COLEC12: variants seen among roughly 807,000 people sequenced by gnomAD.
COLEC12 encodes collectin-12.
A neutral mutation model predicts 71.1 loss-of-function variants in COLEC12; 33 were observed. That is an observed-to-expected ratio of 0.46 (90% CI 0.35 to 0.62). The LOEUF (loss-of-function observed/expected upper bound fraction) is 0.62, where lower values mean the gene tolerates loss of function less well. Ranked by LOEUF, COLEC12 falls within the 20% of genes least tolerant of loss-of-function variation. The probability of loss-of-function intolerance (pLI) is 0.00; values close to 1 mark genes in which losing one functional copy is unlikely to be tolerated. For synonymous variants in COLEC12, 350 were observed against 353.0 expected (o/e 0.99, Z 0.10); for missense variants, 765 against 916.1 (o/e 0.84, Z 2.13).
chr18:422,873 A>G (rs1289762760), intron 2 of COLEC12, among the ~76,000 whole-genome samples: 2 of 152,148 alleles, frequency 1.3e-5, no homozygotes, highest in Non-Finnish European at 2.9e-5. Flanking sequence ...TTTTTTGTTT[A>G]TATAAACTTC....
At chr18:394,092 G>A (rs1376414363) in intron 2 of COLEC12, among the ~76,000 whole-genome samples, 1 of 152,162 alleles carries the variant, frequency 6.6e-6, no homozygotes, top group Non-Finnish European at 1.5e-5. Context: ...TTCCTACAAT[G>A]TTTCCCTTAT....
chr18:476,767 G>A (rs1488199901), intron 2 of COLEC12, among the ~76,000 whole-genome samples: 1 of 152,216 alleles, frequency 6.6e-6, no homozygotes, highest in African/African-American at 2.4e-5. Context: ...TTTCGTGGTA[G>A]TACATATCAT....
intron 1 of COLEC12, among the ~76,000 whole-genome samples, chr18:498,596 A>C (rs1053050866): frequency 1.3e-5 from 2 of 152,040 alleles, no homozygotes; most frequent in Non-Finnish European, 2.9e-5. Flanking sequence ...CCTGACTTCG[A>C]GTGATCTTGC....
chr18:500,531 C>T lies in COLEC12; in HGVS notation c.-17G>A. 3.3e-6 allele frequency: 4 copies of T among 1,226,420 alleles called. No homozygotes were observed. In the South Asian group the frequency reaches 1.5e-4, roughly 47 times the overall value. The allele number at this position is 1,226,420 out of a possible 1,614,324, so 76.0% of individuals were successfully genotyped here. A position where few individuals can be genotyped will look rare whatever the true frequency, so the allele number is the denominator to read the frequency against. On this transcript the variant is annotated 5_prime_UTR_variant, in exon 1 of 10. Transcript: ENST00000400256. The surrounding 1 kb of genome is among the most constrained non-coding windows in gnomAD (Gnocchi z 5.3). Reference sequence around the variant, plus strand: ...ACCTTTCATGGTGACCGTGGGGACGCACCGCCGGCCGGGGAGCTCCGCGCG... The same window carrying T: ...ACCTTTCATGGTGACCGTGGGGACGTACCGCCGGCCGGGGAGCTCCGCGCG...
At chr18:357,358 GA>G (rs1347634617) in intron 3 of COLEC12, 41 bp downstream of exon 3, 1 of 1,560,222 alleles carries the variant, frequency 6.4e-7, no homozygotes, top group East Asian at 2.3e-5. Flanking sequence ...ATTAATGAAG[GA>G]ACACTTGTTA....
At chr18:481,639 G>A (rs984703967) in intron 1 of COLEC12, among the ~76,000 whole-genome samples, 2 of 152,126 alleles carry the variant, frequency 1.3e-5, no homozygotes, top group Non-Finnish European at 2.9e-5. Context: ...GGGAGGCTGA[G>A]GTTGCAGTGA....
chr18:484,250 T>C (rs545226699), intron 1 of COLEC12, among the ~76,000 whole-genome samples: 1 of 152,310 alleles, frequency 6.6e-6, no homozygotes, highest in South Asian at 2.1e-4. Context: ...ATTTCACATA[T>C]TTTTGTTATT....
In COLEC12 at chr18:446,504, C is replaced by T. The variant is rs1916653839; in HGVS notation, c.58+34203G>A. ...ATTACTTGAGCCCAGAAGTTCAAGA[C>T]CAGCCTGGGCAACATAGCAAGACCC... On this transcript the variant is annotated intron_variant, in intron 2 of 9. Transcript: ENST00000400256. Among the ~76,000 whole-genome samples, 3 of 148,500 alleles carry T rather than the reference C, an allele frequency of 2.0e-5. No individual in the cohort carries two copies. The South Asian group carries it at 6.4e-4, about 32-fold the overall frequency.
intron 2 of COLEC12, among the ~76,000 whole-genome samples, chr18:479,326 C>T (rs1449302386): frequency 1.3e-5 from 2 of 152,120 alleles, no homozygotes; most frequent in Admixed American, 6.5e-5. Flanking sequence ...AGGGAACCAA[C>T]GCAGGAGAGA....
In COLEC12 at chr18:473,553, G is replaced by A. The variant is rs539006308; in HGVS notation, c.58+7154C>T. 2.0e-5 allele frequency among the ~76,000 whole-genome samples: 3 copies of A among 151,862 alleles called. No homozygotes were observed. In the East Asian group the frequency reaches 5.8e-4, roughly 29 times the overall value. Reference sequence around the variant, plus strand: ...TAATTTTGTATTTTTAGTAGAGACAGGGTTTCTCCACATTGGTCAGGCTAA... The same window carrying A: ...TAATTTTGTATTTTTAGTAGAGACAAGGTTTCTCCACATTGGTCAGGCTAA... On this transcript the variant is annotated intron_variant, in intron 2 of 9. Coordinates refer to ENST00000400256, the MANE Select transcript of COLEC12 (RefSeq NM_130386.3).
At chr18:342,452 G>A (rs1458376446) in intron 5 of COLEC12, among the ~76,000 whole-genome samples, 5 of 152,216 alleles carry the variant, frequency 3.3e-5, no homozygotes, top group Non-Finnish European at 7.3e-5. Flanking sequence ...GAGCACTGGG[G>A]TTCATCAAGT....
intron 2 of COLEC12, among the ~76,000 whole-genome samples, chr18:458,574 C>T (rs1916916136): frequency 6.6e-6 from 1 of 152,232 alleles, no homozygotes; most frequent in Non-Finnish European, 1.5e-5. Context: ...TTCTGTGAAT[C>T]GGTGGCAGCT....
chr18:464,169 A>T (rs1917041251), intron 2 of COLEC12, among the ~76,000 whole-genome samples: 1 of 152,086 alleles, frequency 6.6e-6, no homozygotes, highest in African/African-American at 2.4e-5. Context: ...ACCTCCACGG[A>T]TACACTAACT....
chr18:479,369 G>C (rs1312225158), intron 2 of COLEC12, among the ~76,000 whole-genome samples: 1 of 152,180 alleles, frequency 6.6e-6, no homozygotes, highest in East Asian at 1.9e-4. Context: ...CTATTTTAAA[G>C]TCATATGTTT....
At chr18:495,484 C>T (rs1444641517) in intron 1 of COLEC12, among the ~76,000 whole-genome samples, 1 of 152,130 alleles carries the variant, frequency 6.6e-6, no homozygotes, top group Non-Finnish European at 1.5e-5. Context: ...GTGGGCCATC[C>T]ACATTCATTC....
At chr18:482,405 T>A (rs1045885644) in intron 1 of COLEC12, among the ~76,000 whole-genome samples, 1 of 151,674 alleles carries the variant, frequency 6.6e-6, no homozygotes, top group Non-Finnish European at 1.5e-5. Context: ...TGAGCCACCG[T>A]GCCCGGCCAA....
intron 2 of COLEC12, among the ~76,000 whole-genome samples, chr18:358,414 G>A (rs1010508616): frequency 3.3e-5 from 5 of 152,188 alleles, no homozygotes; most frequent in Non-Finnish European, 7.3e-5. Flanking sequence ...CCCTGAGCTT[G>A]TTTTCCTGGA....
At chr18:417,991 G>A (rs911058241) in intron 2 of COLEC12, among the ~76,000 whole-genome samples, 1 of 152,160 alleles carries the variant, frequency 6.6e-6, no homozygotes, top group African/African-American at 2.4e-5. Flanking sequence ...TAAGCCATGT[G>A]TGGGCTGCTC....
chr18:375,427 G>A (rs1915092410), intron 2 of COLEC12, among the ~76,000 whole-genome samples: 1 of 152,106 alleles, frequency 6.6e-6, no homozygotes, highest in Admixed American at 6.5e-5. Flanking sequence ...GGCCTTCCCT[G>A]ACCATTCTTT....
Sources: allele counts gnomAD v4.1 joint callset (sites outside exome capture counted in the v4.1 genomes callset), GRCh38; gene constraint gnomAD v4.1.1; non-coding constraint Gnocchi (gnomAD v3.1); transcripts MANE v1.5; gene names NCBI Gene and HGNC (gene_info 2026-07-23, HGNC 2026-07-21).